Variants in ELMO1 observed in about 807,000 individuals in gnomAD.
ELMO1 encodes the protein engulfment and cell motility 1.
A neutral mutation model predicts 98.9 loss-of-function variants in ELMO1; 26 were observed. That is an observed-to-expected ratio of 0.26 (90% CI 0.19 to 0.36). The LOEUF (loss-of-function observed/expected upper bound fraction) is 0.36, where lower values mean the gene tolerates loss of function less well. Among genes scored for constraint, ELMO1 ranks in the 10% least tolerant of loss-of-function variants. The probability of loss-of-function intolerance (pLI) is 1.00; values close to 1 mark genes in which losing one functional copy is unlikely to be tolerated. For synonymous variants in ELMO1, 346 were observed against 346.0 expected, an observed-to-expected ratio of 1.00 and a Z score of 0.00; for missense variants, 627 against 935.2, an observed-to-expected ratio of 0.67 and a Z score of 4.30.
At chr7:37,091,643 T>C (rs543782825) in intron 15 of ELMO1, among the ~76,000 whole-genome samples, 40 of 152,168 alleles carry the variant, frequency 2.6e-4, no homozygotes, top group Middle Eastern at 6.8e-3. Context: ...ATATAACTCT[T>C]CTTTTGAAGA....
At chr7:37,447,143 T>C (rs1269057357) in intron 1 of ELMO1, among the ~76,000 whole-genome samples, 2 of 152,144 alleles carry the variant, frequency 1.3e-5, no homozygotes, top group Admixed American at 1.3e-4. Flanking sequence ...CTCAAAGTGA[T>C]TCTGAGAAGG....
chr7:37,364,332 T>C (rs1240483317), intron 1 of ELMO1, among the ~76,000 whole-genome samples: 5 of 152,360 alleles, frequency 3.3e-5, no homozygotes, highest in Admixed American at 3.3e-4. Flanking sequence ...CCAAATATGA[T>C]GTTAAATCTA....
At chr7:37,371,303 C>T (rs1008056292) in intron 1 of ELMO1, among the ~76,000 whole-genome samples, 1 of 152,146 alleles carries the variant, frequency 6.6e-6, no homozygotes, top group Non-Finnish European at 1.5e-5. Flanking sequence ...GGGATCCACG[C>T]TTGAAAAGTA....
chr7:37,192,998 T>C (rs1275449133), intron 13 of ELMO1, among the ~76,000 whole-genome samples: 1 of 94,542 alleles, frequency 1.1e-5, no homozygotes, highest in African/African-American at 3.8e-5. Context: ...TATATATATA[T>C]ATATATATAT....
chr7:37,059,583 T>G (rs1233309391), intron 15 of ELMO1, among the ~76,000 whole-genome samples: 1 of 152,202 alleles, frequency 6.6e-6, no homozygotes, highest in African/African-American at 2.4e-5. Context: ...GTTATGTTAA[T>G]CATTTGAAAT....
At chr7:37,195,623 C>T (rs571231383) in intron 13 of ELMO1, among the ~76,000 whole-genome samples, 31 of 152,336 alleles carry the variant, frequency 2.0e-4, no homozygotes, top group South Asian at 4.1e-4. Flanking sequence ...GTGATGCTTT[C>T]CCAAAGTGAG....
chr7:37,239,760 A>G (rs1193632142), intron 7 of ELMO1, among the ~76,000 whole-genome samples: 2 of 152,246 alleles, frequency 1.3e-5, no homozygotes, highest in African/African-American at 4.8e-5. Flanking sequence ...CAGAATAAAC[A>G]GTGCCTCTTA....
chr7:37,369,672 TA>T (rs74272020), intron 1 of ELMO1, among the ~76,000 whole-genome samples: 382 of 124,114 alleles, frequency 3.1e-3, no homozygotes, highest in Middle Eastern at 4.2e-3. Flanking sequence ...GCCCAAAATG[TA>T]AAAAAAAAAA....
At chr7:37,121,292 T>G (rs1272970922) in intron 14 of ELMO1, among the ~76,000 whole-genome samples, 1 of 152,170 alleles carries the variant, frequency 6.6e-6, no homozygotes, top group African/African-American at 2.4e-5. Context: ...TTTGACAAGT[T>G]CAGAGAAGAA....
intron 15 of ELMO1, among the ~76,000 whole-genome samples, chr7:37,075,068 A>G (rs1472595145): frequency 6.6e-6 from 1 of 152,154 alleles, no homozygotes; most frequent in Non-Finnish European, 1.5e-5. Context: ...AAAGGTGTGT[A>G]ACACTTAGCC....
chr7:36,881,638 G>A (rs186515324), intron 18 of ELMO1, among the ~76,000 whole-genome samples: 43 of 152,236 alleles, frequency 2.8e-4, no homozygotes, highest in African/African-American at 9.4e-4. Context: ...GGAGAATTTC[G>A]TGTTTCAATC....
intron 13 of ELMO1, among the ~76,000 whole-genome samples, chr7:37,192,410 G>A (rs922044951): frequency 4.7e-5 from 7 of 147,626 alleles, no homozygotes; most frequent in South Asian, 4.4e-4. Flanking sequence ...CAGTAGAATC[G>A]CTTGAACCCG....
intron 13 of ELMO1, among the ~76,000 whole-genome samples, chr7:37,151,430 C>T (rs1266606453): frequency 6.6e-6 from 1 of 151,898 alleles, no homozygotes; most frequent in Non-Finnish European, 1.5e-5. Context: ...CCCGGTGGTC[C>T]CCTGTAAATA....
At chr7:37,064,264 C>T (rs1796829860) in intron 15 of ELMO1, among the ~76,000 whole-genome samples, 1 of 152,168 alleles carries the variant, frequency 6.6e-6, no homozygotes, top group Admixed American at 6.5e-5. Context: ...CTCATTGACT[C>T]CCCTCATGCT....
chr7:37,165,563 T>G (rs1789611247), intron 13 of ELMO1, among the ~76,000 whole-genome samples: 1 of 152,178 alleles, frequency 6.6e-6, no homozygotes, highest in East Asian at 1.9e-4. Context: ...TTGAATTTTG[T>G]CAAAGGCCTT....
intron 16 of ELMO1, among the ~76,000 whole-genome samples, chr7:36,989,274 CA>C (rs1484933754): frequency 6.6e-6 from 1 of 152,030 alleles, no homozygotes; most frequent in Non-Finnish European, 1.5e-5. Context: ...ACAACAACAA[CA>C]AAAAAGTAGC....
At chr7:36,961,818 CAGA>C (rs909482919) in intron 16 of ELMO1, among the ~76,000 whole-genome samples, 1 of 152,170 alleles carries the variant, frequency 6.6e-6, no homozygotes, top group Non-Finnish European at 1.5e-5. Flanking sequence ...CTCTGTCCCA[CAGA>C]ACAGTACTTT....
intron 18 of ELMO1, among the ~76,000 whole-genome samples, chr7:36,882,100 T>G (rs1804514678): frequency 6.6e-6 from 1 of 152,106 alleles, no homozygotes; most frequent in Admixed American, 6.5e-5. Context: ...ACCCCGAGAC[T>G]GCCATGGAAT....
intron 14 of ELMO1, among the ~76,000 whole-genome samples, chr7:37,109,407 G>A (rs189055953): frequency 2.6e-5 from 4 of 152,318 alleles, no homozygotes; most frequent in Non-Finnish European, 5.9e-5. Flanking sequence ...TGCTGTGAGT[G>A]AGAATCAGCA....
Sources: allele counts gnomAD v4.1 joint callset (sites outside exome capture counted in the v4.1 genomes callset), GRCh38; gene constraint gnomAD v4.1.1; transcripts MANE v1.5; gene names NCBI Gene and HGNC (gene_info 2026-07-23, HGNC 2026-07-21).